Variants in ARHGEF10 observed in about 807,000 individuals in gnomAD.
ARHGEF10 encodes the protein Rho guanine nucleotide exchange factor (GEF) 10.
In ARHGEF10, 140 loss-of-function variants were observed where a neutral mutation model predicts 147.4. The observed-to-expected ratio is 0.95, with a 90% CI of 0.83 to 1.09. The LOEUF is 1.09. Ranked by LOEUF, ARHGEF10 falls within the 50% of genes least tolerant of loss-of-function variation. ARHGEF10 has a pLI of 0.00. For missense variants in ARHGEF10, 2,222 were observed against 1,752.7 expected (o/e 1.27, Z -4.78); for synonymous variants, 902 against 695.8 (o/e 1.30, Z -4.67).
At chr8:1,844,915 T>C (rs1804434906) in intron 2 of ARHGEF10, among the ~76,000 whole-genome samples, 1 of 152,086 alleles carries the variant, frequency 6.6e-6, no homozygotes, top group Admixed American at 6.5e-5. Context: ...AAAAGAATAA[T>C]AATGTAATAA....
chr8:1,859,624 C>T (rs1805923712), intron 3 of ARHGEF10, among the ~76,000 whole-genome samples: 2 of 151,840 alleles, frequency 1.3e-5, no homozygotes, highest in Non-Finnish European at 2.9e-5. Context: ...GGAGCAGCTG[C>T]CCTCCTCCGG....
intron 19 of ARHGEF10, 160 bp from the exon 20 acceptor site, chr8:1,923,308 C>T (rs1812439259): frequency 2.7e-6 from 3 of 1,125,056 alleles, no homozygotes; most frequent in African/African-American, 1.6e-5. Context: ...AATGTCTCAG[C>T]CCCCCACAGT....
intron 1 of ARHGEF10, among the ~76,000 whole-genome samples, chr8:1,834,879 C>G (rs1018228620): frequency 6.6e-6 from 1 of 152,224 alleles, no homozygotes; most frequent in African/African-American, 2.4e-5. Flanking sequence ...GTCCAGAGAC[C>G]GCGCAGCCTT....
At chr8:1,864,858 A>T (rs1195406025) in intron 5 of ARHGEF10, among the ~76,000 whole-genome samples, 2 of 152,230 alleles carry the variant, frequency 1.3e-5, no homozygotes, top group Non-Finnish European at 2.9e-5. Context: ...GAGTTGTGCC[A>T]CCAGGTAGGT....
chr8:1,914,558 T>G (rs2129192776), intron 18 of ARHGEF10, among the ~76,000 whole-genome samples: 1 of 152,340 alleles, frequency 6.6e-6, no homozygotes, highest in Admixed American at 6.5e-5. Flanking sequence ...AGAGTGAACT[T>G]CGTTTTGAAG....
chr8:1,840,385 G>C (rs1585227628), intron 1 of ARHGEF10, among the ~76,000 whole-genome samples: 1 of 133,592 alleles, frequency 7.5e-6, no homozygotes, highest in South Asian at 2.8e-4. Flanking sequence ...GGACTGTCTG[G>C]TGTGGAAGCT....
At chr8:1,849,170 C>G (rs1364097615) in intron 2 of ARHGEF10, among the ~76,000 whole-genome samples, 1 of 152,226 alleles carries the variant, frequency 6.6e-6, no homozygotes, top group East Asian at 1.9e-4. Context: ...GCACTTAAAA[C>G]TAACTTCAAA....
intron 28 of ARHGEF10, among the ~76,000 whole-genome samples, chr8:1,953,190 C>G (rs1404246552): frequency 1.4e-5 from 2 of 144,580 alleles, no homozygotes; most frequent in African/African-American, 2.8e-5. Flanking sequence ...TCATTCCTTT[C>G]TGTATTTTAT....
Position 1,903,264 on chromosome 8 carries a change from T to G in ARHGEF10, c.1651-17T>G. On this transcript the variant is annotated splice_polypyrimidine_tract_variant and intron_variant, in intron 15 of 28. Coordinates refer to ENST00000349830, the MANE Select transcript of ARHGEF10 (RefSeq NM_014629.4). ...TGTCCACGTGGTAACTGCCCACCTC[T>G]CCCCTGTTGCTTGTAGGACATGCTG... 6.2e-7 allele frequency: 1 copy of G among 1,613,866 alleles called. No individual in the cohort carries two copies. Among genetic ancestry groups the G allele is most frequent in the South Asian group, 1.1e-5 (1 of 91,074 alleles).
chr8:1,854,561 C>CT (rs35531302), intron 2 of ARHGEF10, among the ~76,000 whole-genome samples: 41,730 of 152,124 alleles, frequency 0.27, 6,300 homozygotes, highest in Non-Finnish European at 0.34. Context: ...GTCTGCCAGT[C>CT]TTTCAATGAC....
intron 22 of ARHGEF10, 84 bp downstream of exon 22, chr8:1,925,488 G>T (rs1812620980): frequency 5.7e-6 from 9 of 1,577,300 alleles, no homozygotes; most frequent in African/African-American, 1.3e-5. Flanking sequence ...TTCTTAAGGG[G>T]CGTGGTCAGA....
chr8:1,876,339 T>TAAAAAA, intron 7 of ARHGEF10: 1 of 585,764 alleles, frequency 1.7e-6, no homozygotes, highest in South Asian at 2.0e-5. Context: ...CAGGGGCACT[T>TAAAAAA]GTGAGAAACA....
chr8:1,939,912 C>A (rs1430081407), intron 26 of ARHGEF10, among the ~76,000 whole-genome samples: 1 of 152,184 alleles, frequency 6.6e-6, no homozygotes, highest in African/African-American at 2.4e-5. Context: ...GTGTAGTTTT[C>A]TTTTAAACAG....
At chr8:1,912,611 G>A (rs1811453029) in intron 18 of ARHGEF10, among the ~76,000 whole-genome samples, 3 of 152,346 alleles carry the variant, frequency 2.0e-5, no homozygotes, top group South Asian at 4.1e-4. Flanking sequence ...GGTTTGCTCT[G>A]TGGTGTTCGA....
At chr8:1,849,556 A>AGAGG (rs1804845626) in intron 2 of ARHGEF10, among the ~76,000 whole-genome samples, 2 of 122,346 alleles carry the variant, frequency 1.6e-5, no homozygotes, top group Non-Finnish European at 3.4e-5. Flanking sequence ...GGGCATGGAC[A>AGAGG]GCAAATGCTG....
Position 1,894,485 on chromosome 8 carries a change from G to T in ARHGEF10, c.1353G>T (p.Gln451His). Residue 451 changes from glutamine to histidine, a missense_variant, in exon 13 of 29, where the codon CAG becomes CAT. Gln to His is a conservative substitution (Grantham distance 24, BLOSUM62 0). Transcript: ENST00000349830. ...TCTACCGAGTCAAAGAGATCCTGCA[G>T]TGCCACTCGCTATTTCAGATCGCGC... ...TVFYRVKEIL[Q>H]CHSLFQIALA... The T allele has an allele frequency of 6.2e-7, 1 of 1,614,230 alleles. No homozygotes were observed. The highest frequency in any genetic ancestry group is 8.5e-7 in the Non-Finnish European group (1 of 1,180,046).
intron 26 of ARHGEF10, among the ~76,000 whole-genome samples, chr8:1,944,898 C>T (rs542483958): frequency 8.5e-5 from 13 of 152,236 alleles, no homozygotes; most frequent in East Asian, 3.9e-4. Context: ...TGTGGGGTGA[C>T]GAGGGCCCAG....
intron 1 of ARHGEF10, among the ~76,000 whole-genome samples, chr8:1,837,129 T>A (rs1226755653): frequency 6.6e-6 from 1 of 152,238 alleles, no homozygotes; most frequent in Non-Finnish European, 1.5e-5. Flanking sequence ...TGGAAGGAAA[T>A]TTTTGGAGTT....
intron 7 of ARHGEF10, among the ~76,000 whole-genome samples, chr8:1,873,885 G>T (rs1363702441): frequency 6.6e-6 from 1 of 152,032 alleles, no homozygotes; most frequent in Non-Finnish European, 1.5e-5. Flanking sequence ...ATTGTGTCAG[G>T]TATACGTAAA....
Sources: gnomAD v4.1 joint callset for allele counts (sites outside exome capture counted in the v4.1 genomes callset) on GRCh38, gnomAD v4.1.1 for gene constraint, MANE v1.5 for transcripts, NCBI Gene and HGNC (gene_info 2026-07-23, HGNC 2026-07-21) for gene names.